SLC14A2: variants seen among roughly 807,000 people sequenced by gnomAD.
SLC14A2 encodes solute carrier family 14 member 2.
In SLC14A2, 91 loss-of-function variants were observed where a neutral mutation model predicts 104.6. The ratio of observed to expected loss-of-function variants is 0.87; its 90% CI spans 0.73 to 1.04. SLC14A2 has a LOEUF of 1.04. SLC14A2 is among the 50% of genes least tolerant of loss of function. The pLI, the probability that SLC14A2 is intolerant of heterozygous loss-of-function variation, is 0.00. For synonymous variants in SLC14A2, 476 were observed against 466.4 expected (o/e 1.02, Z -0.27); for missense variants, 1,189 against 1,156.0 (o/e 1.03, Z -0.41).
At chr18:45,438,864 A>G (rs1332509558) in intron 1 of SLC14A2, among the ~76,000 whole-genome samples, 1 of 152,210 alleles carries the variant, frequency 6.6e-6, no homozygotes, top group Non-Finnish European at 1.5e-5. Context: ...TATTCCCCAT[A>G]TCAGGCATTA....
chr18:45,666,698 C>T (rs974888001), intron 12 of SLC14A2, among the ~76,000 whole-genome samples: 1 of 152,056 alleles, frequency 6.6e-6, no homozygotes, highest in Non-Finnish European at 1.5e-5. Context: ...CAGAGTCCTC[C>T]TCCACAGAAC....
At chr18:45,546,879 C>G (rs944980075) in intron 2 of SLC14A2, among the ~76,000 whole-genome samples, 34 of 152,182 alleles carry the variant, frequency 2.2e-4, no homozygotes, top group African/African-American at 8.2e-4. Context: ...TTAGATGTCC[C>G]TAAAGCAAGG....
chr18:45,196,732 A>T, the SLC14A2 span, among the ~76,000 whole-genome samples: 2 of 152,214 alleles, frequency 1.3e-5, no homozygotes, highest in Admixed American at 1.3e-4. Context: ...ATCAATCAAT[A>T]CAGAGTTAAT....
chr18:45,485,650 A>T (rs1392011227), intron 2 of SLC14A2, among the ~76,000 whole-genome samples: 1 of 152,144 alleles, frequency 6.6e-6, no homozygotes, highest in Non-Finnish European at 1.5e-5. Flanking sequence ...GACAGTCTGA[A>T]ATCCACTTCT....
At chr18:45,677,474 G>A (rs1377870954) in intron 18 of SLC14A2, among the ~76,000 whole-genome samples, 3 of 152,100 alleles carry the variant, frequency 2.0e-5, no homozygotes, top group African/African-American at 4.8e-5. Flanking sequence ...CTGGAGCTCC[G>A]CCACTTGTTA....
At chr18:45,192,633 TGTGG>T in the SLC14A2 span, among the ~76,000 whole-genome samples, 343 of 144,832 alleles carry the variant, frequency 2.4e-3, no homozygotes, top group Non-Finnish European at 3.8e-3. Context: ...TGTGTGTGTG[TGTGG>T]TTTTTTTTTG....
chr18:45,451,617 A>T (rs2086859358), intron 1 of SLC14A2, among the ~76,000 whole-genome samples: 1 of 152,214 alleles, frequency 6.6e-6, no homozygotes, highest in African/African-American at 2.4e-5. Context: ...AATTAAATTG[A>T]GGCTAATAAG....
chr18:45,454,093 C>A (rs1014348048), intron 1 of SLC14A2, among the ~76,000 whole-genome samples: 1 of 152,120 alleles, frequency 6.6e-6, no homozygotes, highest in Non-Finnish European at 1.5e-5. Context: ...CTCCAGACTT[C>A]ATGATCCACC....
intron 1 of SLC14A2, among the ~76,000 whole-genome samples, chr18:45,621,587 TC>T (rs1162459087): frequency 6.6e-6 from 1 of 151,910 alleles, no homozygotes; most frequent in African/African-American, 2.4e-5. Context: ...AGTCGCTTCC[TC>T]CCCCCCACCT....
upstream of SLC14A2, among the ~76,000 whole-genome samples, chr18:45,612,871 C>T (rs2044994581): frequency 3.3e-5 from 5 of 152,170 alleles, no homozygotes; most frequent in South Asian, 1.0e-3. Context: ...TGGCAAGTTC[C>T]TCCTTCTCAC....
At chr18:45,471,272 C>G (rs1333092554) in intron 1 of SLC14A2, among the ~76,000 whole-genome samples, 1 of 152,106 alleles carries the variant, frequency 6.6e-6, no homozygotes, top group African/African-American at 2.4e-5. Context: ...TAATTTTCCC[C>G]CTTGAAAAAT....
At position 45,388,508 on chromosome 18, in the gene SLC14A2, A is replaced by G. The variant is rs1440042608; in HGVS notation, c.-124-94725A>G. Among the ~76,000 whole-genome samples, 3 of 152,130 alleles carry G rather than the reference A, an allele frequency of 2.0e-5. No individual in the cohort carries two copies. In the East Asian group the frequency reaches 5.8e-4, roughly 29 times the overall value. ...TGGTTGGATAGCATCTTCCATTCCTAGATACCCTTCCTGGTATCTAGGGCT... is the reference window on the plus strand; with the variant it reads ...TGGTTGGATAGCATCTTCCATTCCTGGATACCCTTCCTGGTATCTAGGGCT... On this transcript the variant is annotated intron_variant, in intron 1 of 20. Transcript: ENST00000586448.
the SLC14A2 span, chr18:45,179,863 G>A: frequency 6.6e-6 from 1 of 151,020 alleles, no homozygotes; most frequent in South Asian, 2.1e-4. Flanking sequence ...AAAAAAAAAT[G>A]GGCTGGGCAC....
At chr18:45,495,857 C>T (rs960062301) in intron 2 of SLC14A2, among the ~76,000 whole-genome samples, 1 of 152,146 alleles carries the variant, frequency 6.6e-6, no homozygotes, top group Non-Finnish European at 1.5e-5. Flanking sequence ...CACGGAACGC[C>T]TATGTCATGA....
intron 1 of SLC14A2, among the ~76,000 whole-genome samples, chr18:45,298,539 T>C (rs7233577): frequency 0.36 from 55,327 of 151,994 alleles, 10,708 homozygotes; most frequent in African/African-American, 0.52. Context: ...CTTTCCATTC[T>C]CCAGCCCATG....
chr18:45,356,580 TAA>T (rs2085556573), intron 1 of SLC14A2, among the ~76,000 whole-genome samples: 1 of 152,140 alleles, frequency 6.6e-6, no homozygotes, highest in Non-Finnish European at 1.5e-5. Context: ...TGACTTTCCT[TAA>T]GGTCATAGCT....
intron 1 of SLC14A2, among the ~76,000 whole-genome samples, chr18:45,372,135 A>C (rs547629709): frequency 6.6e-6 from 1 of 152,130 alleles, no homozygotes; most frequent in African/African-American, 2.4e-5. Context: ...AACGTGGCAA[A>C]ACTCCATCTC....
chr18:45,332,724 T>A (rs943876415), intron 1 of SLC14A2, among the ~76,000 whole-genome samples: 8 of 152,228 alleles, frequency 5.3e-5, no homozygotes, highest in African/African-American at 1.7e-4. Flanking sequence ...ACAACTGCTA[T>A]CTTGGCCTGC....
chr18:45,188,165 A>C, the SLC14A2 span, among the ~76,000 whole-genome samples: 1 of 152,198 alleles, frequency 6.6e-6, no homozygotes, highest in African/African-American at 2.4e-5. Flanking sequence ...AAGATGGTAG[A>C]GGATGAAGAG....
Sources: allele counts gnomAD v4.1 joint callset (sites outside exome capture counted in the v4.1 genomes callset), GRCh38; gene constraint gnomAD v4.1.1; transcripts MANE v1.5; gene names NCBI Gene and HGNC (gene_info 2026-07-23, HGNC 2026-07-21).